Variants in CHST11 observed in about 807,000 individuals in gnomAD.
The protein encoded by CHST11 is C4S-1.
Under a neutral mutation model 30.4 loss-of-function variants are expected in CHST11, and 9 were observed. The observed-to-expected ratio is 0.30, with a 90% CI of 0.18 to 0.52. The LOEUF is 0.52. Ranked by LOEUF, CHST11 falls within the 20% of genes least tolerant of loss-of-function variation. The pLI is 0.97. For missense variants in CHST11, 348 were observed against 460.6 expected, an observed-to-expected ratio of 0.76 and a Z score of 2.24; for synonymous variants, 152 against 187.8, an observed-to-expected ratio of 0.81 and a Z score of 1.56.
At chr12:104,638,237 A>G (rs746655118) in intron 2 of CHST11, among the ~76,000 whole-genome samples, 7 of 152,244 alleles carry the variant, frequency 4.6e-5, no homozygotes, top group Admixed American at 1.3e-4. Flanking sequence ...AAAATAGAAA[A>G]TATCAGAAGA....
chr12:104,464,254 T>C (rs916024722), intron 1 of CHST11, among the ~76,000 whole-genome samples: 1 of 151,816 alleles, frequency 6.6e-6, no homozygotes, highest in African/African-American at 2.4e-5. Context: ...TTTTAATAGA[T>C]ACTGGGTTTT....
chr12:104,619,548 C>T (rs1192279347), intron 2 of CHST11, among the ~76,000 whole-genome samples: 1 of 152,156 alleles, frequency 6.6e-6, no homozygotes, highest in East Asian at 1.9e-4. Flanking sequence ...CTCTTCTAAG[C>T]CCCAACCAAG....
chr12:104,743,512 G>A, intron 2 of CHST11, among the ~76,000 whole-genome samples: 1 of 152,192 alleles, frequency 6.6e-6, no homozygotes, highest in Non-Finnish European at 1.5e-5. Flanking sequence ...CAACCCTACA[G>A]GGATGGTTCG....
chr12:104,742,290 TCCTGAAGGGAGGCAAGCC>T (rs987922709), intron 2 of CHST11, among the ~76,000 whole-genome samples: 2 of 151,874 alleles, frequency 1.3e-5, no homozygotes, highest in African/African-American at 4.8e-5. Flanking sequence ...CAGGAGGAGA[TCCTGAAGGGAGGCAAGCC>T]CCTGCCTCCC....
intron 2 of CHST11, among the ~76,000 whole-genome samples, chr12:104,623,488 A>G (rs2039181340): frequency 6.6e-6 from 1 of 152,220 alleles, no homozygotes; most frequent in Admixed American, 6.5e-5. Context: ...AGGCAGGTGG[A>G]TCACCTGAGG....
At chr12:104,606,360 G>A (rs961541039) in intron 2 of CHST11, among the ~76,000 whole-genome samples, 1 of 151,970 alleles carries the variant, frequency 6.6e-6, no homozygotes, top group East Asian at 1.9e-4. Context: ...AAGGAAGGTC[G>A]GAAGGAAAGA....
chr12:104,699,755 A>G (rs2081808), intron 2 of CHST11, among the ~76,000 whole-genome samples: 5,742 of 152,292 alleles, frequency 0.038, 310 homozygotes, highest in East Asian at 0.28. Flanking sequence ...GTTCACCTGC[A>G]GTTGGATCTC....
chr12:104,463,260 G>A (rs1218567119), intron 1 of CHST11, among the ~76,000 whole-genome samples: 1 of 152,162 alleles, frequency 6.6e-6, no homozygotes, highest in East Asian at 1.9e-4. Flanking sequence ...AGGAAAACCA[G>A]AAGTCATTCT....
chr12:104,700,641 T>C (rs1403818342), intron 2 of CHST11, among the ~76,000 whole-genome samples: 1 of 152,214 alleles, frequency 6.6e-6, no homozygotes, highest in Non-Finnish European at 1.5e-5. Flanking sequence ...GCGTGGTACC[T>C]GGCACCTGGT....
In CHST11 at chr12:104,457,097, G is replaced by A; in HGVS notation, c.-315G>A. 1 of 219,058 alleles carries A rather than the reference G, an allele frequency of 4.6e-6. No homozygotes were observed. The highest frequency in any genetic ancestry group is 1.6e-4 in the South Asian group (1 of 6,274). 13.6% of individuals were successfully genotyped at this position (219,058 alleles called of 1,614,324 possible). A position where few individuals can be genotyped will look rare whatever the true frequency, so the allele number is the denominator to read the frequency against. The stretch of plus-strand genomic sequence containing the variant: ...CACCATCACCGCTCGCACCCCAGCC[G>A]CCCGGCCCGCGACCAGGCAGCGGCG... On this transcript the variant is annotated 5_prime_UTR_variant, in exon 1 of 3. Coordinates refer to ENST00000303694, the MANE Select transcript of CHST11 (RefSeq NM_018413.6).
chr12:104,714,168 A>G (rs1383064344), intron 2 of CHST11, among the ~76,000 whole-genome samples: 2 of 152,208 alleles, frequency 1.3e-5, no homozygotes, highest in Non-Finnish European at 2.9e-5. Context: ...AAGAAGGCGC[A>G]CTGGGAGAGT....
intron 2 of CHST11, among the ~76,000 whole-genome samples, chr12:104,630,057 A>G (rs1340599497): frequency 6.6e-6 from 1 of 152,198 alleles, no homozygotes; most frequent in Non-Finnish European, 1.5e-5. Context: ...GGTTAGCCGC[A>G]TCCAGGATAA....
chr12:104,576,204 T>A (rs1221742530), intron 1 of CHST11, among the ~76,000 whole-genome samples: 3 of 152,128 alleles, frequency 2.0e-5, no homozygotes, highest in Non-Finnish European at 4.4e-5. Context: ...CCAGGAACTC[T>A]ATGAACTAAG....
At chr12:104,460,865 G>T (rs2037401731) in intron 1 of CHST11, among the ~76,000 whole-genome samples, 1 of 152,148 alleles carries the variant, frequency 6.6e-6, no homozygotes, top group Admixed American at 6.5e-5. Flanking sequence ...AGAAGTTTTT[G>T]ATACTCTGAG....
intron 2 of CHST11, among the ~76,000 whole-genome samples, chr12:104,648,243 G>A (rs769818511): frequency 1.3e-5 from 2 of 152,130 alleles, no homozygotes; most frequent in Non-Finnish European, 2.9e-5. Context: ...CATAGGGCAC[G>A]TACATTCCCG....
chr12:104,519,071 G>GGTGTGTGTGTGTGTGTGT lies in CHST11; in HGVS notation c.118+61559_118+61576dup, dbSNP rs10628757. ...TTGAGGCCTAGGCCTGGACTCTTGA[G>GGTGTGTGTGTGTGTGTGT]GTGTGTGTGTGTGTGTGTGTGTGTG... On this transcript the variant is annotated intron_variant, in intron 1 of 2. Coordinates refer to ENST00000303694, the MANE Select transcript of CHST11 (RefSeq NM_018413.6). Among the ~76,000 whole-genome samples the GGTGTGTGTGTGTGTGTGT allele has an allele frequency of 8.9e-3, 1,243 of 139,574 alleles. 19 individuals carry two copies. The highest frequency in any genetic ancestry group is 0.031 in the African/African-American group (1,134 of 36,916). 91.6% of individuals were successfully genotyped at this position (139,574 alleles called of 152,430 possible).
chr12:104,462,372 T>C (rs1260106553), intron 1 of CHST11, among the ~76,000 whole-genome samples: 1 of 151,912 alleles, frequency 6.6e-6, no homozygotes, highest in African/African-American at 2.4e-5. Context: ...ATGCATTTTG[T>C]ATCCTGTTTG....
At chr12:104,580,988 G>C (rs886217778) in intron 1 of CHST11, among the ~76,000 whole-genome samples, 1 of 152,180 alleles carries the variant, frequency 6.6e-6, no homozygotes, top group African/African-American at 2.4e-5. Flanking sequence ...TGTTTATTGA[G>C]ATCAGGACAA....
At chr12:104,748,476 C>G (rs888244545) in intron 2 of CHST11, among the ~76,000 whole-genome samples, 5 of 151,774 alleles carry the variant, frequency 3.3e-5, no homozygotes, top group African/African-American at 1.2e-4. Context: ...TGAGTGGGGC[C>G]CTGATCCAGT....
Sources: gnomAD v4.1 joint callset for allele counts (sites outside exome capture counted in the v4.1 genomes callset) on GRCh38, gnomAD v4.1.1 for gene constraint, MANE v1.5 for transcripts, NCBI Gene and HGNC (gene_info 2026-07-23, HGNC 2026-07-21) for gene names.